ENDOV: variants seen among roughly 807,000 people sequenced by gnomAD.
ENDOV encodes the protein hEndoV.
ENDOV carries 37 observed loss-of-function variants against 39.4 expected under a neutral mutation model. The ratio of observed to expected loss-of-function variants is 0.94; its 90% confidence interval spans 0.72 to 1.23. ENDOV has a LOEUF of 1.23. Among genes scored for constraint, ENDOV ranks in the 50% most tolerant of loss-of-function variants. The pLI, the probability that ENDOV is intolerant of heterozygous loss-of-function variation, is 0.00. For missense variants in ENDOV, 441 were observed against 375.7 expected (o/e 1.17, Z -1.44); for synonymous variants, 186 against 163.4 (o/e 1.14, Z -1.05).
Position 80,415,366 on chromosome 17 carries a change from C to G in ENDOV, c.56+116C>G, listed in dbSNP as rs1308918179. ...ATCGGAGCTGCCACCGCCCGAGACT[C>G]CAAAGCAAAGCCCAGTTTCCGGCGC... On this transcript the variant is annotated intron_variant, in intron 1 of 9. Coordinates refer to ENST00000518137, the MANE Select transcript of ENDOV (RefSeq NM_173627.5). 17 of 1,296,504 alleles carry G rather than the reference C, an allele frequency of 1.3e-5. No homozygotes were observed. In the East Asian group the frequency reaches 2.5e-4, roughly 19 times the overall value. 80.3% of individuals were successfully genotyped at this position (1,296,504 alleles called of 1,614,324 possible).
chr17:80,423,377 T>C, intron 4 of ENDOV, 143 bp from the exon 5 acceptor site: 2 of 784,630 alleles, frequency 2.5e-6, no homozygotes, highest in Non-Finnish European at 4.0e-6. Flanking sequence ...TGCTTGGGAC[T>C]TAGATCTGGT....
At chr17:80,427,911 A>G (rs900445069) in intron 7 of ENDOV, 9 of 1,209,146 alleles carry the variant, frequency 7.4e-6, no homozygotes, top group South Asian at 1.4e-5. Flanking sequence ...AAGCAGGAGC[A>G]GGCTGGGGGA....
chr17:80,432,165 G>T (rs1026579871), intron 9 of ENDOV, among the ~76,000 whole-genome samples: 2 of 152,160 alleles, frequency 1.3e-5, no homozygotes, highest in Admixed American at 1.3e-4. Flanking sequence ...TTCCTCACCG[G>T]GAACATGAAC....
intron 9 of ENDOV, among the ~76,000 whole-genome samples, chr17:80,433,429 G>C (rs1484785287): frequency 6.6e-6 from 1 of 152,228 alleles, no homozygotes; most frequent in Admixed American, 6.5e-5. Context: ...CCAGGTCAGG[G>C]AGGTCTCATC....
chr17:80,430,123 G>T, intron 9 of ENDOV: 2 of 1,530,760 alleles, frequency 1.3e-6, no homozygotes, highest in Non-Finnish European at 1.7e-6. Flanking sequence ...AGGTGGGGCA[G>T]AGGTGACCAC....
chr17:80,436,080 T>G lies in ENDOV; in HGVS notation c.839-53T>G. 5 of 1,594,706 alleles carry G rather than the reference T, an allele frequency of 3.1e-6. No homozygotes were observed. In the Middle Eastern group the frequency reaches 6.6e-4, roughly 211 times the overall value. ...CATTTCCACTTCCTCCTTTCCACTC[T>G]GAACGCCTTTTATTTCTTTTTCTTG... On this transcript the variant is annotated intron_variant, in intron 9 of 9. Coordinates refer to ENST00000518137, the MANE Select transcript of ENDOV (RefSeq NM_173627.5).
Position 80,437,637 on chromosome 17 carries a change from C to G in ENDOV, c.*1494C>G, listed in dbSNP as rs540065634. On this transcript the variant is annotated 3_prime_UTR_variant, in exon 10 of 10. Transcript: ENST00000518137. Reference sequence around the variant, plus strand: ...GAGGCAGGGCGTGTCAGCAGCAAACCTAAGTGTGTGCTCATTTCTGTGGGC... The same window carrying G: ...GAGGCAGGGCGTGTCAGCAGCAAACGTAAGTGTGTGCTCATTTCTGTGGGC... The G allele has an allele frequency of 6.6e-6, 1 of 152,466 alleles. No homozygotes were observed. The highest frequency in any genetic ancestry group is 6.5e-5 in the Admixed American group (1 of 15,306). The allele number at this position is 152,466 out of a possible 1,614,324, so 9.4% of individuals were successfully genotyped here. A position where few individuals can be genotyped will look rare whatever the true frequency, so the allele number is the denominator to read the frequency against.
intron 2 of ENDOV, among the ~76,000 whole-genome samples, chr17:80,421,050 A>G (rs773242654): frequency 6.6e-6 from 1 of 152,108 alleles, no homozygotes; most frequent in Admixed American, 6.5e-5. Context: ...TACACAAAGG[A>G]GGAGACACCA....
At chr17:80,423,760 G>T (rs79899920) in intron 5 of ENDOV, 128 bp downstream of exon 5, 2 of 882,700 alleles carry the variant, frequency 2.3e-6, no homozygotes, top group Non-Finnish European at 3.4e-6. Context: ...CTGGCTTGTG[G>T]CCTGGAGTAA....
chr17:80,422,236 C>A lies in ENDOV; in HGVS notation c.394C>A (p.His132Asn). ...VLLVDGNGVLHHRGFGVACHL... is the reference protein window; with the variant it reads ...VLLVDGNGVLNHRGFGVACHL... ...TCTTGTGGATGGAAACGGGGTACTC[C>A]ACCACCGAGGTAATCCTGCTCTTGG... Residue 132 changes from histidine (H) to asparagine (N), a missense_variant, in exon 4 of 10, where the codon CAC becomes AAC. Coordinates refer to ENST00000518137, the MANE Select transcript of ENDOV (RefSeq NM_173627.5). The A allele has an allele frequency of 6.2e-7, 1 of 1,613,624 alleles. No individual in the cohort carries two copies.
intron 2 of ENDOV, chr17:80,417,464 A>C (rs2144809008): frequency 6.6e-6 from 1 of 152,292 alleles, no homozygotes; most frequent in African/African-American, 2.4e-5. Flanking sequence ...TGGGTGGCCT[A>C]CCCACAGCAG....
chr17:80,425,560 G>A lies in ENDOV; in HGVS notation c.654G>A (p.Glu218=). Residue 218 remains glutamate, a synonymous_variant, in exon 7 of 10, where the codon GAG becomes GAA. Transcript: ENST00000518137. The part of the protein sequence containing the change: ...YISVGHRMSL[E]AAVRLTCCCC... ...CCGTGGGCCACAGGATGAGCCTGGA[G>A]GCCGCTGTGCGCCTGACTTGCTGCT... 4 of 1,593,168 alleles carry A rather than the reference G, an allele frequency of 2.5e-6. No homozygotes were observed. The highest frequency in any genetic ancestry group is 1.3e-5 in the African/African-American group (1 of 74,754).
rs537153991 is a variant in ENDOV at position 80,436,110 on chromosome 17, A to G, written c.839-23A>G. On this transcript the variant is annotated intron_variant, in intron 9 of 9. Transcript: ENST00000518137. The stretch of plus-strand genomic sequence containing the variant: ...GCCTTTTATTTCTTTTTCTTGCCTC[A>G]TTGCTCTGGCTGGAACGTCTAGCAC... 15 of 1,609,510 alleles carry G rather than the reference A, an allele frequency of 9.3e-6. No homozygotes were observed. In the South Asian group the frequency reaches 1.5e-4, roughly 16 times the overall value.
At chr17:80,416,451 G>C (rs1397795005) in intron 2 of ENDOV, among the ~76,000 whole-genome samples, 3 of 151,796 alleles carry the variant, frequency 2.0e-5, no homozygotes, top group Non-Finnish European at 4.4e-5. Context: ...CGTTCCTCTC[G>C]CGTCCAGTTG....
intron 9 of ENDOV, chr17:80,430,284 C>A: frequency 6.7e-7 from 1 of 1,498,188 alleles, no homozygotes; most frequent in Non-Finnish European, 8.9e-7. Flanking sequence ...CCTGCACGAC[C>A]CCTGCAGCCT....
rs1568261286 is a variant in ENDOV, at chr17:80,436,196, T to C, written c.*53T>C. ...TCTCATTCCTGATCGAACGCGGTGG[T>C]GAGAGCACACGTCCTCGTCTCGTTC... On this transcript the variant is annotated 3_prime_UTR_variant, in exon 10 of 10. Coordinates refer to ENST00000518137, the MANE Select transcript of ENDOV (RefSeq NM_173627.5). 6.3e-7 allele frequency: 1 copy of C among 1,589,460 alleles called. No individual in the cohort carries two copies. The highest frequency in any genetic ancestry group is 8.6e-7 in the Non-Finnish European group (1 of 1,169,236).
chr17:80,415,615 GA>G, intron 1 of ENDOV, 34 bp from the exon 2 acceptor site: 1 of 1,603,492 alleles, frequency 6.2e-7, no homozygotes, highest in Non-Finnish European at 8.5e-7. Flanking sequence ...TCTGAGGTGT[GA>G]CCCCGACCAA....
chr17:80,421,527 C>T (rs1309864203), intron 2 of ENDOV, among the ~76,000 whole-genome samples: 6 of 39,698 alleles, frequency 1.5e-4, no homozygotes, highest in East Asian at 5.8e-4. Flanking sequence ...CCGGTGGGGG[C>T]GGGGTGGGGG....
intron 9 of ENDOV, among the ~76,000 whole-genome samples, chr17:80,434,063 G>A (rs1479859237): frequency 3.9e-5 from 6 of 152,168 alleles, no homozygotes; most frequent in Non-Finnish European, 8.8e-5. Flanking sequence ...GTCACTCCCC[G>A]TTCTCCCTTC....
Sources: allele counts gnomAD v4.1 joint callset (sites outside exome capture counted in the v4.1 genomes callset), GRCh38; gene constraint gnomAD v4.1.1; transcripts MANE v1.5; gene names NCBI Gene and HGNC (gene_info 2026-07-23, HGNC 2026-07-21).